Variants in TUSC3 observed in about 807,000 individuals in gnomAD.
TUSC3 encodes the protein dolichyl-diphosphooligosaccharide--protein glycosyltransferase subunit TUSC3.
TUSC3 carries 45 observed loss-of-function variants against 44.8 expected under a neutral mutation model. That is an observed-to-expected ratio of 1.00 (90% CI 0.79 to 1.29). The LOEUF is 1.29. Among genes scored for constraint, TUSC3 ranks in the 50% most tolerant of loss-of-function variants. The pLI is 0.00. For synonymous variants in TUSC3, 212 were observed against 152.9 expected (o/e 1.39, Z -2.85); for missense variants, 519 against 437.9 (o/e 1.19, Z -1.65).
intron 5 of TUSC3, among the ~76,000 whole-genome samples, chr8:15,664,963 A>T (rs1249801244): frequency 6.6e-6 from 1 of 151,408 alleles, no homozygotes; most frequent in African/African-American, 2.4e-5. Flanking sequence ...GAAAAACTGA[A>T]TTTGTTCATA....
At chr8:15,774,793 C>T in the TUSC3 span, among the ~76,000 whole-genome samples, 7 of 152,192 alleles carry the variant, frequency 4.6e-5, no homozygotes, top group African/African-American at 1.7e-4. Flanking sequence ...TGATGTGTGA[C>T]TTCACACCCA....
intron 1 of TUSC3, among the ~76,000 whole-genome samples, chr8:15,586,406 C>T (rs929354845): frequency 1.3e-5 from 2 of 151,992 alleles, no homozygotes; most frequent in African/African-American, 4.8e-5. Flanking sequence ...GATGGAGAGA[C>T]CACTTTGCTT....
intron 6 of TUSC3, among the ~76,000 whole-genome samples, chr8:15,725,181 C>T (rs534104985): frequency 1.1e-4 from 17 of 152,138 alleles, no homozygotes; most frequent in South Asian, 2.1e-4. Flanking sequence ...AAAGCAGAGA[C>T]GCCAGCACTG....
At chr8:15,805,088 T>C in the TUSC3 span, among the ~76,000 whole-genome samples, 2 of 152,118 alleles carry the variant, frequency 1.3e-5, no homozygotes, top group Admixed American at 1.3e-4. Flanking sequence ...TTTGTGTGTG[T>C]GGCAACTGTA....
At chr8:15,738,406 G>T (rs1352673061) in intron 7 of TUSC3, among the ~76,000 whole-genome samples, 3 of 152,074 alleles carry the variant, frequency 2.0e-5, no homozygotes, top group Non-Finnish European at 4.4e-5. Flanking sequence ...GCAGGGTTTG[G>T]CAAACTAGGA....
intron 2 of TUSC3, among the ~76,000 whole-genome samples, chr8:15,639,490 T>C (rs960383317): frequency 1.3e-5 from 2 of 152,248 alleles, no homozygotes; most frequent in Admixed American, 6.5e-5. Context: ...AAAAATGCTT[T>C]ATTTATATAG....
intron 6 of TUSC3, among the ~76,000 whole-genome samples, chr8:15,691,788 G>T (rs1439578134): frequency 1.6e-5 from 1 of 63,646 alleles, no homozygotes; most frequent in Non-Finnish European, 3.5e-5. Flanking sequence ...TTTTTGTTTG[G>T]TTTTTGTTTT....
the TUSC3 span, among the ~76,000 whole-genome samples, chr8:15,821,533 CT>C: frequency 2.7e-5 from 4 of 150,914 alleles, no homozygotes; most frequent in East Asian, 2.0e-4. Context: ...CTTTCTTCTG[CT>C]TTTTTACCCC....
At chr8:15,567,045 A>G (rs550981407) in intron 1 of TUSC3, among the ~76,000 whole-genome samples, 1 of 152,246 alleles carries the variant, frequency 6.6e-6, no homozygotes, top group South Asian at 2.1e-4. Flanking sequence ...GGAATGTGCA[A>G]CAAATTCTAG....
intron 1 of TUSC3, among the ~76,000 whole-genome samples, chr8:15,467,254 A>G (rs1361573045): frequency 1.4e-5 from 2 of 146,050 alleles, no homozygotes; most frequent in African/African-American, 2.5e-5. Context: ...ATTCAGTGGT[A>G]TTAAATAGGA....
intron 1 of TUSC3, among the ~76,000 whole-genome samples, chr8:15,593,768 C>A (rs938267062): frequency 7.9e-5 from 12 of 152,016 alleles, no homozygotes; most frequent in African/African-American, 2.7e-4. Flanking sequence ...AGATCCTTTT[C>A]TTTGATTCTT....
At chr8:15,441,336 G>T (rs1285262972) in intron 1 of TUSC3, among the ~76,000 whole-genome samples, 1 of 152,188 alleles carries the variant, frequency 6.6e-6, no homozygotes, top group East Asian at 1.9e-4. Flanking sequence ...GAGCCCAGGA[G>T]GTGGAGTTTT....
intron 6 of TUSC3, among the ~76,000 whole-genome samples, chr8:15,722,090 G>A (rs1045372437): frequency 6.6e-6 from 1 of 151,908 alleles, no homozygotes; most frequent in African/African-American, 2.4e-5. Context: ...TAGTGTCTGG[G>A]GCTTAGGGTT....
chr8:15,750,035 A>G (rs763491156), intron 9 of TUSC3, among the ~76,000 whole-genome samples: 24 of 148,436 alleles, frequency 1.6e-4, no homozygotes, highest in Non-Finnish European at 3.3e-4. Flanking sequence ...GCTGGAGTGC[A>G]GTGGCTTGAT....
rs761999068 is a variant in TUSC3, at chr8:15,540,484, G to T, written c.54G>T (p.Arg18=). 6.2e-7 allele frequency: 1 copy of T among 1,608,224 alleles called. No individual in the cohort carries two copies. Among genetic ancestry groups the T allele is most frequent in the Non-Finnish European group, 8.5e-7 (1 of 1,178,052 alleles). ...SRRRQAGRRL[R]YLPTGSFPFL... ...GTAGGCAAGCGGGGCGGCGGCTGCG[G>T]TACCTGCCCACCGGGAGCTTTCCCT... The change falls in exon 1 of 11, where the codon CGG becomes CGT. Residue 18 remains arginine (R), a synonymous_variant. Transcript: ENST00000503731.
At position 15,562,376 on chromosome 8, in the gene TUSC3, A is replaced by T. The variant is rs28701802; in HGVS notation, c.138+21808A>T. On this transcript the variant is annotated intron_variant, in intron 1 of 10. Coordinates refer to ENST00000503731, the MANE Select transcript of TUSC3 (RefSeq NM_006765.4). The stretch of plus-strand genomic sequence containing the variant: ...TCCGTCTTATCTCCTCTCCCTTAAG[A>T]TGAGTAATCCACTTTAAGCGTTAAG... 2.5e-3 allele frequency among the ~76,000 whole-genome samples: 379 copies of T among 152,270 alleles called. 5 individuals carry two copies. The highest frequency in any genetic ancestry group is 8.8e-3 in the African/African-American group (367 of 41,544).
chr8:15,664,673 A>T (rs1005457292), intron 5 of TUSC3, among the ~76,000 whole-genome samples: 17 of 148,790 alleles, frequency 1.1e-4, no homozygotes, highest in African/African-American at 4.2e-4. Context: ...TGTTAAATTC[A>T]ACAACGTTTG....
intron 1 of TUSC3, among the ~76,000 whole-genome samples, chr8:15,476,989 T>G (rs1800584490): frequency 6.6e-6 from 1 of 152,132 alleles, no homozygotes; most frequent in Non-Finnish European, 1.5e-5. Context: ...ACACGAAGAG[T>G]TGGATTGCAA....
chr8:15,658,181 G>A (rs1225988881), intron 3 of TUSC3, among the ~76,000 whole-genome samples: 1 of 152,140 alleles, frequency 6.6e-6, no homozygotes, highest in Non-Finnish European at 1.5e-5. Flanking sequence ...TGTTTGAAGA[G>A]CACTAATGTA....
Sources: gnomAD v4.1 joint callset for allele counts (sites outside exome capture counted in the v4.1 genomes callset) on GRCh38, gnomAD v4.1.1 for gene constraint, MANE v1.5 for transcripts, NCBI Gene and HGNC (gene_info 2026-07-23, HGNC 2026-07-21) for gene names.